HSP90AA1: variants seen among roughly 807,000 people sequenced by gnomAD.
The protein encoded by HSP90AA1 is heat shock protein 90 alpha family class A member 1, also known as heat shock protein HSP 90-alpha.
A neutral mutation model predicts 73.3 loss-of-function variants in HSP90AA1; 18 were observed. The observed-to-expected ratio is 0.25, with a 90% confidence interval of 0.17 to 0.36. The LOEUF (loss-of-function observed/expected upper bound fraction) is 0.36, where lower values mean the gene tolerates loss of function less well. Ranked by LOEUF, HSP90AA1 falls within the 10% of genes least tolerant of loss-of-function variation. The pLI is 1.00. For missense variants in HSP90AA1, 704 were observed against 874.2 expected (o/e 0.81, Z 2.45); for synonymous variants, 477 against 296.9 (o/e 1.61, Z -6.24).
intron 2 of HSP90AA1, among the ~76,000 whole-genome samples, chr14:102,092,236 C>T (rs1367143509): frequency 6.6e-6 from 1 of 151,626 alleles, no homozygotes; most frequent in Non-Finnish European, 1.5e-5. Flanking sequence ...ACCTGGCTGA[C>T]TTTTTTGTAT....
At chr14:102,122,228 T>C (rs1481467316) in intron 1 of HSP90AA1, among the ~76,000 whole-genome samples, 2 of 152,112 alleles carry the variant, frequency 1.3e-5, no homozygotes, top group Admixed American at 6.6e-5. Context: ...TCCATTTTTA[T>C]TGGGGTCTAA....
chr14:102,087,200 C>T (rs2049266305), upstream of HSP90AA1: 1 of 981,280 alleles, frequency 1.0e-6, no homozygotes, highest in Non-Finnish European at 1.2e-6. Context: ...ACCCCGCCCC[C>T]GCGCCTTCCT....
chr14:102,134,100 G>A (rs1460667430), intron 1 of HSP90AA1, among the ~76,000 whole-genome samples: 4 of 151,104 alleles, frequency 2.6e-5, no homozygotes, highest in Non-Finnish European at 5.9e-5. Context: ...GCAGTGAGCC[G>A]AGATTACGCC....
upstream of HSP90AA1, among the ~76,000 whole-genome samples, chr14:102,087,541 C>G (rs939814547): frequency 6.6e-6 from 1 of 152,080 alleles, no homozygotes; most frequent in South Asian, 2.1e-4. Context: ...CTCACGCGCC[C>G]GGGAGACTTC....
chr14:102,090,350 G>A (rs2049337761), upstream of HSP90AA1, among the ~76,000 whole-genome samples: 2 of 152,116 alleles, frequency 1.3e-5, no homozygotes, highest in African/African-American at 4.8e-5. Context: ...CAGACCACAT[G>A]TGCTCCTCTG....
intron 1 of HSP90AA1, among the ~76,000 whole-genome samples, chr14:102,128,246 C>T (rs934655655): frequency 1.3e-5 from 2 of 152,056 alleles, no homozygotes; most frequent in African/African-American, 2.4e-5. Flanking sequence ...AATGCCAGCA[C>T]TTTGGGAGGC....
At chr14:102,086,867 G>A in intron 1 of HSP90AA1, 119 bp downstream of exon 1, 1 of 510,086 alleles carries the variant, frequency 2.0e-6, no homozygotes, top group Non-Finnish European at 2.5e-6. Context: ...GGCCGCCCGG[G>A]AGCGCGGCCC....
At chr14:102,102,332 T>A (rs2049505102) in intron 1 of HSP90AA1, among the ~76,000 whole-genome samples, 1 of 152,186 alleles carries the variant, frequency 6.6e-6, no homozygotes, top group Non-Finnish European at 1.5e-5. Context: ...GATCCCCCAC[T>A]CCAGCAGTGC....
rs116302262 is a variant in HSP90AA1, at chr14:102,116,573, A to C, written c.156-14488T>G. 6.3e-3 allele frequency among the ~76,000 whole-genome samples: 965 copies of C among 152,270 alleles called. 11 individuals carry two copies. Among genetic ancestry groups the C allele is most frequent in the African/African-American group, 0.022 (902 of 41,556 alleles). ...GCATGGTCAGGTGAGACCTGTTCCC[A>C]GGCCTGGAGCCTCTGCTGCTCTGGA... On this transcript the variant is annotated intron_variant, in intron 1 of 11. Transcript: ENST00000334701.
At chr14:102,124,457 T>G (rs1205713694) in intron 1 of HSP90AA1, among the ~76,000 whole-genome samples, 1 of 152,188 alleles carries the variant, frequency 6.6e-6, no homozygotes, top group Non-Finnish European at 1.5e-5. Context: ...CTTCCCAAAG[T>G]GCTGGGATTA....
upstream of HSP90AA1, among the ~76,000 whole-genome samples, chr14:102,088,122 C>T (rs557459773): frequency 4.3e-4 from 65 of 151,920 alleles, no homozygotes; most frequent in Middle Eastern, 3.4e-3. Context: ...GGACACCACA[C>T]CTGTCTAGTT....
In HSP90AA1 at chr14:102,081,598, G is replaced by A. The variant is rs1006970711; in HGVS notation, c.*114C>T. ...ATCTTATCTTCCCCTTAAAGTAGTT[G>A]TCATGCCATACAGACTTTTTAATAT... On this transcript the variant is annotated 3_prime_UTR_variant, in exon 11 of 11. Coordinates refer to ENST00000216281, the MANE Select transcript of HSP90AA1 (RefSeq NM_005348.4). 1 of 714,634 alleles carries A rather than the reference G, an allele frequency of 1.4e-6. No homozygotes were observed. Among genetic ancestry groups the A allele is most frequent in the South Asian group, 1.5e-5 (1 of 67,428 alleles). 44.3% of individuals were successfully genotyped at this position (714,634 alleles called of 1,614,324 possible).
At chr14:102,097,777 C>T (rs1432065373) in intron 2 of HSP90AA1, among the ~76,000 whole-genome samples, 1 of 152,144 alleles carries the variant, frequency 6.6e-6, no homozygotes, top group Admixed American at 6.6e-5. Flanking sequence ...GCCTATGTGG[C>T]CAATTGACCA....
rs371481339 is a variant in HSP90AA1, at chr14:102,085,738, G to A, written c.529+20C>T. On this transcript the variant is annotated intron_variant, in intron 3 of 10. Transcript: ENST00000216281. ...CACCCTTCCACCGCTCACTTAACCA[G>A]TGAATGTTCAGGTGCCTACCTGTGT... 1 of 1,613,932 alleles carries A rather than the reference G, an allele frequency of 6.2e-7. No individual in the cohort carries two copies. Among genetic ancestry groups the A allele is most frequent in the Non-Finnish European group, 8.5e-7 (1 of 1,179,864 alleles).
upstream of HSP90AA1, among the ~76,000 whole-genome samples, chr14:102,089,855 C>T (rs1172342408): frequency 3.3e-5 from 5 of 152,188 alleles, no homozygotes; most frequent in Non-Finnish European, 5.9e-5. Context: ...CCACCTTCAT[C>T]CCCCGCTTCC....
At chr14:102,123,924 C>T (rs1299222580) in intron 1 of HSP90AA1, among the ~76,000 whole-genome samples, 7 of 152,022 alleles carry the variant, frequency 4.6e-5, no homozygotes, top group African/African-American at 1.7e-4. Context: ...CCTCAGCCTC[C>T]CCAGCAGCTG....
In HSP90AA1 at chr14:102,085,829, T is replaced by C. The variant is rs1019752261; in HGVS notation, c.458A>G (p.Lys153Arg). Residue 153 changes from lysine to arginine, a missense_variant, in exon 3 of 11, where the codon AAA becomes AGA. Lys to Arg is a conservative substitution (Grantham distance 26). Transcript: ENST00000216281. Reference protein sequence around the residue: ...LVAEKVTVITKHNDDEQYAWE... With the variant: ...LVAEKVTVITRHNDDEQYAWE... ...AGCGTACTGCTCATCATCGTTATGTTTGGTGATCACAGTTACTTTCTCAGC... is the reference window on the plus strand; with the variant it reads ...AGCGTACTGCTCATCATCGTTATGTCTGGTGATCACAGTTACTTTCTCAGC... The C allele has an allele frequency of 1.9e-6, 3 of 1,613,940 alleles. No individual in the cohort carries two copies. Among genetic ancestry groups the C allele is most frequent in the African/African-American group, 1.3e-5 (1 of 75,016 alleles).
chr14:102,085,152 C>T, intron 4 of HSP90AA1, 146 bp downstream of exon 4: 2 of 1,465,328 alleles, frequency 1.4e-6, no homozygotes, highest in Non-Finnish European at 1.9e-6. Context: ...ACTTAATAGC[C>T]CGAGGAACTT....
rs144076402 is a variant in HSP90AA1, at chr14:102,081,329, G to A, written c.*383C>T. On this transcript the variant is annotated 3_prime_UTR_variant, in exon 11 of 11. Coordinates refer to ENST00000216281, the MANE Select transcript of HSP90AA1 (RefSeq NM_005348.4). ...AAAGTTCAAAAAGTAGATCCTACAA[G>A]ATGTAACGAATACTTTTCTAAACAT... The A allele has an allele frequency of 9.2e-4, 302 of 327,544 alleles. 2 individuals are homozygous for A. The highest frequency in any genetic ancestry group is 5.6e-3 in the African/African-American group (268 of 47,960). The allele number at this position is 327,544 out of a possible 1,614,324, so 20.3% of individuals were successfully genotyped here.
Sources: allele counts gnomAD v4.1 joint callset (sites outside exome capture counted in the v4.1 genomes callset), GRCh38; gene constraint gnomAD v4.1.1; transcripts MANE v1.5; gene names NCBI Gene and HGNC (gene_info 2026-07-23, HGNC 2026-07-21).